Variants in PKIB observed in about 807,000 individuals in gnomAD.
PKIB encodes the protein PKI-beta.
Under a neutral mutation model 4.5 loss-of-function variants are expected in PKIB, and 2 were observed. That is an observed-to-expected ratio of 0.44 (90% CI 0.18 to 1.39). The LOEUF (loss-of-function observed/expected upper bound fraction) is 1.39, where lower values mean the gene tolerates loss of function less well. Among genes scored for constraint, PKIB ranks in the 40% most tolerant of loss-of-function variants. PKIB has a pLI of 0.27. For synonymous variants in PKIB, 38 were observed against 36.0 expected (o/e 1.06, Z -0.20); for missense variants, 94 against 92.6 (o/e 1.02, Z -0.06).
chr6:122,535,046 G>A (rs1777363992), intron 2 of PKIB, among the ~76,000 whole-genome samples: 1 of 152,008 alleles, frequency 6.6e-6, no homozygotes, highest in Admixed American at 6.6e-5. Context: ...TGCATTTTTA[G>A]TGTTGGGGTA....
intron 1 of PKIB, among the ~76,000 whole-genome samples, chr6:122,613,885 C>A (rs2114767543): frequency 6.7e-6 from 1 of 149,336 alleles, no homozygotes; most frequent in East Asian, 2.0e-4. Context: ...ATCGCTTGAA[C>A]CCAGGAGGCA....
chr6:122,473,040 G>A (rs966911786), intron 1 of PKIB, among the ~76,000 whole-genome samples: 2 of 152,186 alleles, frequency 1.3e-5, no homozygotes, highest in African/African-American at 4.8e-5. Flanking sequence ...GAACCCGGGA[G>A]GCAGAGGTTG....
intron 2 of PKIB, among the ~76,000 whole-genome samples, chr6:122,496,208 A>C (rs912984215): frequency 2.6e-5 from 4 of 152,240 alleles, no homozygotes; most frequent in Non-Finnish European, 5.9e-5. Context: ...CACATGGCAT[A>C]GTATAAAATC....
At chr6:122,578,395 G>C (rs1773610761) in intron 2 of PKIB, among the ~76,000 whole-genome samples, 1 of 151,838 alleles carries the variant, frequency 6.6e-6, no homozygotes, top group Non-Finnish European at 1.5e-5. Flanking sequence ...CAAGCATTTT[G>C]AATTCTACGT....
intron 4 of PKIB, among the ~76,000 whole-genome samples, chr6:122,722,644 A>G (rs115950427): frequency 1.4e-3 from 209 of 152,284 alleles, no homozygotes; most frequent in African/African-American, 4.7e-3. Flanking sequence ...ATTTTCTACC[A>G]AGCTTATTTT....
chr6:122,546,885 G>A (rs889076294), intron 2 of PKIB, among the ~76,000 whole-genome samples: 2 of 152,114 alleles, frequency 1.3e-5, no homozygotes, highest in Non-Finnish European at 2.9e-5. Flanking sequence ...TATCACAGTA[G>A]AAGAGATGAG....
rs546220537 is a variant in PKIB, at chr6:122,654,599, G to A, written c.-75-20479G>A. ...AAGGCTAAGTAGGACCATAAATATCGGTCAATATTATTATGCGATTGCAGA... is the reference window on the plus strand; with the variant it reads ...AAGGCTAAGTAGGACCATAAATATCAGTCAATATTATTATGCGATTGCAGA... On this transcript the variant is annotated intron_variant, in intron 2 of 4. Coordinates refer to ENST00000368452, the MANE Select transcript of PKIB (RefSeq NM_181795.3). 2.6e-4 allele frequency among the ~76,000 whole-genome samples: 40 copies of A among 152,158 alleles called. 1 individual carries two copies. Among genetic ancestry groups the A allele is most frequent in the East Asian group, 7.7e-4 (4 of 5,166 alleles).
upstream of PKIB, among the ~76,000 whole-genome samples, chr6:122,606,080 A>G (rs1774525462): frequency 6.6e-6 from 1 of 152,214 alleles, no homozygotes; most frequent in Non-Finnish European, 1.5e-5. Context: ...AGATGCAATT[A>G]AAGTAAGGAT....
intron 2 of PKIB, among the ~76,000 whole-genome samples, chr6:122,554,547 A>C (rs1472197337): frequency 6.6e-6 from 1 of 152,346 alleles, no homozygotes; most frequent in Non-Finnish European, 1.5e-5. Context: ...AAGTTATAAG[A>C]TGGCCAGGAA....
intron 3 of PKIB, among the ~76,000 whole-genome samples, chr6:122,696,839 G>A (rs932106807): frequency 6.6e-6 from 1 of 152,218 alleles, no homozygotes; most frequent in Admixed American, 6.5e-5. Flanking sequence ...CACAGGATAT[G>A]TGTGAACCTG....
chr6:122,534,190 T>C (rs1252651434), intron 2 of PKIB, among the ~76,000 whole-genome samples: 1 of 149,636 alleles, frequency 6.7e-6, no homozygotes, highest in Non-Finnish European at 1.5e-5. Flanking sequence ...ATATATTATA[T>C]ACAATTGAGG....
intron 2 of PKIB, among the ~76,000 whole-genome samples, chr6:122,649,458 C>T (rs1776461607): frequency 1.3e-5 from 2 of 152,162 alleles, no homozygotes; most frequent in Admixed American, 6.5e-5. Context: ...AATCTTGTTT[C>T]CTCAGTCAAT....
intron 2 of PKIB, among the ~76,000 whole-genome samples, chr6:122,639,300 T>C (rs1776040660): frequency 6.6e-6 from 1 of 152,140 alleles, no homozygotes; most frequent in Non-Finnish European, 1.5e-5. Flanking sequence ...ACAGATACCC[T>C]TGTCAAGGAG....
At chr6:122,626,607 G>A (rs1438296665) in intron 1 of PKIB, among the ~76,000 whole-genome samples, 2 of 152,202 alleles carry the variant, frequency 1.3e-5, no homozygotes, top group East Asian at 1.9e-4. Context: ...TCCAGGAAGA[G>A]CAAAAGGAAA....
At chr6:122,526,379 A>G (rs557674391) in intron 2 of PKIB, among the ~76,000 whole-genome samples, 5 of 152,168 alleles carry the variant, frequency 3.3e-5, no homozygotes, top group Non-Finnish European at 7.4e-5. Flanking sequence ...AGATCCATCA[A>G]ATGAATCATT....
intron 2 of PKIB, among the ~76,000 whole-genome samples, chr6:122,497,479 T>C (rs894167606): frequency 6.6e-6 from 1 of 152,178 alleles, no homozygotes; most frequent in African/African-American, 2.4e-5. Flanking sequence ...TTCAAGAGAC[T>C]CAGCCCACAT....
At chr6:122,525,144 G>A (rs1179906588) in intron 2 of PKIB, among the ~76,000 whole-genome samples, 1 of 151,270 alleles carries the variant, frequency 6.6e-6, no homozygotes, top group South Asian at 2.1e-4. Flanking sequence ...TTGGTATGTT[G>A]TATTTTTATT....
intron 2 of PKIB, among the ~76,000 whole-genome samples, chr6:122,517,532 T>G (rs1043160787): frequency 2.6e-5 from 4 of 152,208 alleles, no homozygotes; most frequent in African/African-American, 9.7e-5. Context: ...CACATGGTCT[T>G]TCTCATAATT....
At chr6:122,594,174 T>C (rs1774097808) in intron 3 of PKIB, among the ~76,000 whole-genome samples, 1 of 152,034 alleles carries the variant, frequency 6.6e-6, no homozygotes, top group African/African-American at 2.4e-5. Flanking sequence ...ATAAATCTTA[T>C]GTTACATAAT....
Sources: allele counts gnomAD v4.1 joint callset (sites outside exome capture counted in the v4.1 genomes callset), GRCh38; gene constraint gnomAD v4.1.1; transcripts MANE v1.5; gene names NCBI Gene and HGNC (gene_info 2026-07-23, HGNC 2026-07-21).